Variants in CDC42SE2 observed in about 807,000 individuals in gnomAD.
CDC42SE2 encodes the protein CDC42 small effector protein 2.
Under a neutral mutation model 11.5 loss-of-function variants are expected in CDC42SE2, and 3 were observed. That is an observed-to-expected ratio of 0.26 (90% CI 0.12 to 0.67). The LOEUF is 0.67. Ranked by LOEUF, CDC42SE2 falls within the 30% of genes least tolerant of loss-of-function variation. CDC42SE2 has a pLI of 0.80. For synonymous variants in CDC42SE2, 33 were observed against 34.8 expected (o/e 0.95, Z 0.18); for missense variants, 82 against 106.8 (o/e 0.77, Z 1.02).
At chr5:131,330,702 G>C (rs1318693334) in intron 2 of CDC42SE2, among the ~76,000 whole-genome samples, 1 of 152,032 alleles carries the variant, frequency 6.6e-6, no homozygotes, top group East Asian at 1.9e-4. Context: ...GCACAGGACA[G>C]TGCCTGCAAG....
At chr5:131,321,168 A>G (rs1473709508) in intron 2 of CDC42SE2, among the ~76,000 whole-genome samples, 1 of 152,186 alleles carries the variant, frequency 6.6e-6, no homozygotes, top group Admixed American at 6.5e-5. Context: ...CACTTCTTGG[A>G]ATTTATCTTA....
the CDC42SE2 span, among the ~76,000 whole-genome samples, chr5:131,221,734 A>AT: frequency 1.3e-5 from 2 of 151,970 alleles, no homozygotes; most frequent in South Asian, 2.1e-4. Context: ...TATTTGTTTC[A>AT]TTTTTTTTCT....
intron 3 of CDC42SE2, among the ~76,000 whole-genome samples, chr5:131,367,458 C>T (rs1749894411): frequency 6.6e-6 from 1 of 152,172 alleles, no homozygotes; most frequent in Non-Finnish European, 1.5e-5. Context: ...ACTGCTCCCA[C>T]ATTAATGTGG....
intron 3 of CDC42SE2, among the ~76,000 whole-genome samples, chr5:131,371,063 C>G (rs1235709345): frequency 6.6e-6 from 1 of 152,038 alleles, no homozygotes; most frequent in Non-Finnish European, 1.5e-5. Flanking sequence ...GTATCTGTGA[C>G]TAAAGGGAAG....
At chr5:131,348,258 C>T (rs1758904191) in intron 2 of CDC42SE2, among the ~76,000 whole-genome samples, 2 of 152,158 alleles carry the variant, frequency 1.3e-5, no homozygotes, top group Admixed American at 1.3e-4. Flanking sequence ...ATCATCTCAG[C>T]CCAAAATCTC....
chr5:131,257,947 C>T (rs139470282), intron 2 of CDC42SE2, among the ~76,000 whole-genome samples: 105 of 152,280 alleles, frequency 6.9e-4, no homozygotes, highest in African/African-American at 2.4e-3. Flanking sequence ...GCTCGTTCTT[C>T]CGTGCTAAGG....
intron 1 of CDC42SE2, among the ~76,000 whole-genome samples, chr5:131,288,559 G>A (rs1757388097): frequency 6.6e-6 from 1 of 152,074 alleles, no homozygotes; most frequent in Admixed American, 6.6e-5. Context: ...CAGTGGTGCA[G>A]TCATACCTCA....
chr5:131,284,866 A>G (rs1033030932), intron 1 of CDC42SE2, among the ~76,000 whole-genome samples: 1 of 152,250 alleles, frequency 6.6e-6, no homozygotes, highest in East Asian at 1.9e-4. Context: ...TTTTTAAATG[A>G]TAATAGAGGT....
intron 1 of CDC42SE2, among the ~76,000 whole-genome samples, chr5:131,246,953 A>G (rs1756600236): frequency 2.6e-5 from 4 of 152,006 alleles, no homozygotes; most frequent in Admixed American, 2.6e-4. Flanking sequence ...CATGTTGGCC[A>G]GTCTGGTCTC....
At chr5:131,284,035 A>G (rs1479570741) in intron 1 of CDC42SE2, among the ~76,000 whole-genome samples, 1 of 152,196 alleles carries the variant, frequency 6.6e-6, no homozygotes, top group Non-Finnish European at 1.5e-5. Flanking sequence ...ATTTTGCAGA[A>G]CTGCTAGTCT....
chr5:131,212,027 A>AAAAAG, the CDC42SE2 span, among the ~76,000 whole-genome samples: 8 of 152,108 alleles, frequency 5.3e-5, no homozygotes, highest in Non-Finnish European at 8.8e-5. Context: ...AAAAATAAAT[A>AAAAAG]AAAAGTAAAG....
intron 1 of CDC42SE2, among the ~76,000 whole-genome samples, chr5:131,250,247 G>A (rs1353713435): frequency 6.6e-6 from 1 of 152,186 alleles, no homozygotes; most frequent in East Asian, 1.9e-4. Context: ...CTACAGGAGA[G>A]TGGATAAATA....
At chr5:131,345,818 A>T (rs886799060) in intron 2 of CDC42SE2, among the ~76,000 whole-genome samples, 2 of 152,250 alleles carry the variant, frequency 1.3e-5, no homozygotes, top group African/African-American at 4.8e-5. Context: ...AAACTCTATA[A>T]GCCAGAAGAG....
At chr5:131,319,663 C>T (rs1160694379) in intron 2 of CDC42SE2, among the ~76,000 whole-genome samples, 2 of 151,850 alleles carry the variant, frequency 1.3e-5, no homozygotes, top group Admixed American at 6.6e-5. Context: ...TGTAACATCC[C>T]GATAAAATTT....
chr5:131,270,090 A>G (rs1756961775), intron 1 of CDC42SE2, among the ~76,000 whole-genome samples: 2 of 149,752 alleles, frequency 1.3e-5, no homozygotes, highest in South Asian at 4.3e-4. Flanking sequence ...AAAAAAAACA[A>G]CTGGCCGGGC....
chr5:131,344,263 G>A lies in CDC42SE2; in HGVS notation c.-285-14946G>A, dbSNP rs552309599. On this transcript the variant is annotated intron_variant, in intron 2 of 4. Transcript: ENST00000505065. The stretch of plus-strand genomic sequence containing the variant: ...TTCCCTTTCCTAGCAAAGGGAAGCC[G>A]TGACAGATGGTACCTGGAAAATTGG... Among the ~76,000 whole-genome samples, 231 of 152,346 alleles carry A rather than the reference G, an allele frequency of 1.5e-3. 1 individual carries two copies. The highest frequency in any genetic ancestry group is 5.4e-3 in the African/African-American group (224 of 41,580).
At chr5:131,274,903 G>T (rs1352457153) in intron 1 of CDC42SE2, among the ~76,000 whole-genome samples, 1 of 152,120 alleles carries the variant, frequency 6.6e-6, no homozygotes, top group Non-Finnish European at 1.5e-5. Flanking sequence ...CTGAATGAAT[G>T]ACTGTTAATC....
At chr5:131,308,474 C>T (rs1289098032) in intron 1 of CDC42SE2, among the ~76,000 whole-genome samples, 2 of 151,920 alleles carry the variant, frequency 1.3e-5, no homozygotes, top group East Asian at 3.9e-4. Context: ...TTTTCCAATT[C>T]TGTGAAGAAA....
chr5:131,239,852 G>A, the CDC42SE2 span, among the ~76,000 whole-genome samples: 1 of 152,152 alleles, frequency 6.6e-6, no homozygotes, highest in African/African-American at 2.4e-5. Flanking sequence ...AGCTTAGAGC[G>A]AGCTTCCTTG....
Sources: allele counts gnomAD v4.1 joint callset (sites outside exome capture counted in the v4.1 genomes callset), GRCh38; gene constraint gnomAD v4.1.1; transcripts MANE v1.5; gene names NCBI Gene and HGNC (gene_info 2026-07-23, HGNC 2026-07-21).